MYCBP2: variants seen among roughly 807,000 people sequenced by gnomAD.
The protein encoded by MYCBP2 is E3 ubiquitin-protein ligase MYCBP2.
In MYCBP2, 120 loss-of-function variants were observed where a neutral mutation model predicts 525.3. The ratio of observed to expected loss-of-function variants is 0.23; its 90% CI spans 0.20 to 0.27. The LOEUF is 0.27. Among genes scored for constraint, MYCBP2 ranks in the 10% least tolerant of loss-of-function variants. The pLI is 1.00. For synonymous variants in MYCBP2, 1,894 were observed against 1,955.8 expected, an observed-to-expected ratio of 0.97 and a Z score of 0.83; for missense variants, 4,149 against 5,657.1, an observed-to-expected ratio of 0.73 and a Z score of 8.55.
chr13:77,264,689 T>A (rs1480118070), intron 8 of MYCBP2, among the ~76,000 whole-genome samples: 1 of 152,130 alleles, frequency 6.6e-6, no homozygotes, highest in African/African-American at 2.4e-5. Context: ...GTACACCATA[T>A]ACTTTGATCA....
intron 39 of MYCBP2, 59 bp downstream of exon 39, chr13:77,169,555 C>T: frequency 2.1e-6 from 3 of 1,456,016 alleles, no homozygotes; most frequent in Non-Finnish European, 2.9e-6. Context: ...GACACAAAGT[C>T]TTTTTTTAAA....
intron 63 of MYCBP2, 152 bp from the exon 64 acceptor site, chr13:77,082,145 T>C (rs1427682558): frequency 3.0e-6 from 2 of 675,888 alleles, no homozygotes; most frequent in Middle Eastern, 4.2e-4. Context: ...AAATCATTCC[T>C]ATTGTTTTTG....
At chr13:77,062,758 C>G in intron 73 of MYCBP2, 61 bp from the exon 74 acceptor site, 2 of 1,288,420 alleles carry the variant, frequency 1.6e-6, no homozygotes, top group Non-Finnish European at 2.3e-6. Flanking sequence ...GAAATGCTGA[C>G]TGTGACACAT....
At chr13:77,067,487 A>C (rs764607287) in intron 71 of MYCBP2, 94 bp downstream of exon 71, 8 of 1,312,698 alleles carry the variant, frequency 6.1e-6, no homozygotes, top group Non-Finnish European at 8.5e-6. Context: ...TTGGTGAGTA[A>C]CCTAACAAGG....
At chr13:77,319,178 G>T (rs993639092) in intron 1 of MYCBP2, among the ~76,000 whole-genome samples, 5 of 152,100 alleles carry the variant, frequency 3.3e-5, no homozygotes, top group Non-Finnish European at 5.9e-5. Flanking sequence ...CGAACTAGGT[G>T]TTCTTGTGAC....
In MYCBP2 at chr13:77,263,959, T is replaced by C; in HGVS notation, c.1401A>G (p.Glu467=). 6.2e-7 allele frequency: 1 copy of C among 1,612,806 alleles called. No homozygotes were observed. The highest frequency in any genetic ancestry group is 8.5e-7 in the Non-Finnish European group (1 of 1,179,168). Residue 467 remains glutamate (E), a synonymous_variant, in exon 9 of 83, where the codon GAA becomes GAG. Transcript: ENST00000544440. ...TTGAAGCAGCTATCTGATTAATATA[T>C]TCTCCATCAGTGAATAAAATATTTT... ...EGQNILFTDG[E]YINQIAASRD...
intron 4 of MYCBP2, among the ~76,000 whole-genome samples, chr13:77,274,422 A>C (rs1003911271): frequency 2.0e-5 from 3 of 152,200 alleles, no homozygotes; most frequent in Non-Finnish European, 2.9e-5. Flanking sequence ...TAGAGTGAAT[A>C]ATCAGATGGA....
At chr13:77,215,850 G>A (rs1174348906) in intron 21 of MYCBP2, among the ~76,000 whole-genome samples, 3 of 152,062 alleles carry the variant, frequency 2.0e-5, no homozygotes, top group Non-Finnish European at 4.4e-5. Context: ...CAAAGTGCTG[G>A]GATTATAGGT....
At chr13:77,117,616 C>CATAA (rs1379801801) in intron 55 of MYCBP2, among the ~76,000 whole-genome samples, 1 of 152,116 alleles carries the variant, frequency 6.6e-6, no homozygotes, top group Non-Finnish European at 1.5e-5. Context: ...CTGAAACTTT[C>CATAA]ATAAACTAGC....
At chr13:77,245,714 G>A (rs1010341174) in intron 15 of MYCBP2, among the ~76,000 whole-genome samples, 6 of 148,806 alleles carry the variant, frequency 4.0e-5, no homozygotes, top group South Asian at 2.1e-4. Context: ...AAACCTGCAC[G>A]TTCTGCACAT....
chr13:77,305,459 T>C (rs1381934162), intron 1 of MYCBP2, among the ~76,000 whole-genome samples: 1 of 152,132 alleles, frequency 6.6e-6, no homozygotes, highest in Admixed American at 6.5e-5. Flanking sequence ...AATTGTATAA[T>C]TCCATTTATA....
intron 71 of MYCBP2, among the ~76,000 whole-genome samples, chr13:77,066,348 C>T (rs1414102200): frequency 2.6e-5 from 4 of 152,160 alleles, no homozygotes; most frequent in African/African-American, 9.7e-5. Context: ...GTCCAGGGAC[C>T]ACACACGACT....
chr13:77,077,341 G>T lies in MYCBP2; in HGVS notation c.11531C>A (p.Pro3844Gln). The change falls in exon 67 of 83, where the codon CCA (proline) becomes CAA (glutamine). Residue 3844 changes from proline to glutamine, a missense_variant. Around this residue, in one of 21 missense-constraint regions of MYCBP2, gnomAD observed 509 missense variants for 789.4 expected, o/e 0.64. Coordinates refer to ENST00000544440, the MANE Select transcript of MYCBP2 (RefSeq NM_015057.5). The part of the protein sequence containing the change: ...RHIGWVTSEL[P>Q]GGDNHIIKIE... The stretch of plus-strand genomic sequence containing the variant: ...TTTTATGATGTGATTATCCCCTCCT[G>T]GAAGTTCACTTGTTACCCAGCCAAT... 6.2e-7 allele frequency: 1 copy of T among 1,613,924 alleles called. No homozygotes were observed. Among genetic ancestry groups the T allele is most frequent in the Non-Finnish European group, 8.5e-7 (1 of 1,179,912 alleles).
At chr13:77,275,065 C>T (rs538268724) in intron 4 of MYCBP2, among the ~76,000 whole-genome samples, 1 of 152,072 alleles carries the variant, frequency 6.6e-6, no homozygotes, top group Non-Finnish European at 1.5e-5. Flanking sequence ...GATTATTCAG[C>T]AAATATATAC....
chr13:77,289,722 G>A (rs1005936569), intron 2 of MYCBP2, among the ~76,000 whole-genome samples: 2 of 151,746 alleles, frequency 1.3e-5, no homozygotes, highest in African/African-American at 4.8e-5. Flanking sequence ...CCAGCCAAGG[G>A]AAAAAGGCAA....
chr13:77,167,476 G>A (rs2058674962), intron 40 of MYCBP2, among the ~76,000 whole-genome samples: 1 of 151,804 alleles, frequency 6.6e-6, no homozygotes, highest in Non-Finnish European at 1.5e-5. Flanking sequence ...TAGAACTCAA[G>A]GGAACAAAAA....
intron 58 of MYCBP2, among the ~76,000 whole-genome samples, chr13:77,094,891 C>T (rs960900407): frequency 3.9e-5 from 6 of 152,100 alleles, no homozygotes; most frequent in African/African-American, 9.7e-5. Flanking sequence ...ACTTGACATC[C>T]GAGTATGAGT....
At chr13:77,271,892 T>C (rs992349115) in intron 5 of MYCBP2, among the ~76,000 whole-genome samples, 2 of 152,150 alleles carry the variant, frequency 1.3e-5, no homozygotes, top group Non-Finnish European at 1.5e-5. Context: ...CAGGAGAGTT[T>C]TGGGAAATGA....
At chr13:77,065,900 A>T in intron 72 of MYCBP2, 92 bp downstream of exon 72, 2 of 804,552 alleles carry the variant, frequency 2.5e-6, no homozygotes, top group Non-Finnish European at 4.0e-6. Flanking sequence ...AAGTTACACT[A>T]ATCTACATCT....
Sources: gnomAD v4.1 joint callset for allele counts (sites outside exome capture counted in the v4.1 genomes callset) on GRCh38, gnomAD v4.1.1 for gene constraint, gnomAD v4.1.1 regional missense constraint, MANE v1.5 for transcripts, NCBI Gene and HGNC (gene_info 2026-07-23, HGNC 2026-07-21) for gene names.